PCED1B: variants seen among roughly 807,000 people sequenced by gnomAD.
PCED1B encodes the protein PC-esterase domain containing 1B, also known as PC-esterase domain-containing protein 1B.
For missense variants in PCED1B, 573 were observed against 573.9 expected (o/e 1.00, Z 0.02); for synonymous variants, 251 against 246.1 (o/e 1.02, Z -0.19).
intron 2 of PCED1B, among the ~76,000 whole-genome samples, chr12:47,205,612 C>T (rs1942887882): frequency 6.6e-6 from 1 of 152,066 alleles, no homozygotes; most frequent in Non-Finnish European, 1.5e-5. Flanking sequence ...AAGGTGGAGT[C>T]AGTTAGGTCA....
chr12:47,226,959 C>A (rs182113123), intron 3 of PCED1B, among the ~76,000 whole-genome samples: 124 of 152,012 alleles, frequency 8.2e-4, no homozygotes, highest in African/African-American at 2.2e-3. Flanking sequence ...TTATTCTTTT[C>A]TATTCACTCC....
chr12:47,204,924 T>C (rs561455750), intron 2 of PCED1B, among the ~76,000 whole-genome samples: 1 of 152,350 alleles, frequency 6.6e-6, no homozygotes, highest in Admixed American at 6.5e-5. Context: ...GTAAATACTG[T>C]AACCATAAAC....
At chr12:47,119,791 C>T (rs1019677789) in intron 2 of PCED1B, among the ~76,000 whole-genome samples, 2 of 151,726 alleles carry the variant, frequency 1.3e-5, no homozygotes, top group Admixed American at 1.3e-4. Context: ...ATGGGAAAAC[C>T]CCATCTCCAC....
chr12:47,226,682 C>G (rs1159542502), intron 3 of PCED1B, among the ~76,000 whole-genome samples: 1 of 152,082 alleles, frequency 6.6e-6, no homozygotes, highest in East Asian at 1.9e-4. Context: ...GCCAAAATTG[C>G]CTTTTCATAC....
intron 2 of PCED1B, among the ~76,000 whole-genome samples, chr12:47,152,424 C>T (rs1488289530): frequency 3.3e-5 from 5 of 152,038 alleles, no homozygotes; most frequent in Non-Finnish European, 7.4e-5. Context: ...GAGAAAACAT[C>T]AAACAAACCC....
intron 2 of PCED1B, among the ~76,000 whole-genome samples, chr12:47,201,241 G>T (rs1487521516): frequency 8.5e-5 from 13 of 152,182 alleles, no homozygotes; most frequent in Non-Finnish European, 2.9e-5. Flanking sequence ...CCAGGTGCAG[G>T]GGCTTTCAGT....
intron 2 of PCED1B, among the ~76,000 whole-genome samples, chr12:47,176,074 A>C (rs1380847320): frequency 6.6e-6 from 1 of 151,834 alleles, no homozygotes; most frequent in Non-Finnish European, 1.5e-5. Flanking sequence ...TTTAAATAAT[A>C]TTATTGCTCA....
At chr12:47,109,206 T>C (rs2137253277) in intron 2 of PCED1B, among the ~76,000 whole-genome samples, 1 of 152,352 alleles carries the variant, frequency 6.6e-6, no homozygotes, top group South Asian at 2.1e-4. Context: ...ATTTAGGATG[T>C]AGAAGTCCCT....
chr12:47,185,065 T>C (rs994408358), intron 2 of PCED1B, among the ~76,000 whole-genome samples: 5 of 152,204 alleles, frequency 3.3e-5, no homozygotes, highest in African/African-American at 1.2e-4. Context: ...TCCTCATGTT[T>C]GTAGCCTCAT....
chr12:47,147,232 G>A (rs1453938267), intron 2 of PCED1B, among the ~76,000 whole-genome samples: 1 of 152,012 alleles, frequency 6.6e-6, no homozygotes, highest in African/African-American at 2.4e-5. Context: ...GGCCAGGCTG[G>A]TCTCAAACTT....
intron 2 of PCED1B, among the ~76,000 whole-genome samples, chr12:47,145,710 A>G (rs951665385): frequency 3.9e-5 from 6 of 152,180 alleles, no homozygotes; most frequent in African/African-American, 7.2e-5. Flanking sequence ...TTTACTGAAT[A>G]TTTTCAAGTC....
chr12:47,090,728 C>T (rs1938226857), intron 1 of PCED1B, among the ~76,000 whole-genome samples: 1 of 152,090 alleles, frequency 6.6e-6, no homozygotes, highest in Non-Finnish European at 1.5e-5. Context: ...TTCTACTGCT[C>T]ATCTTTATGT....
chr12:47,126,335 A>G (rs1939886857), intron 2 of PCED1B, among the ~76,000 whole-genome samples: 1 of 152,074 alleles, frequency 6.6e-6, no homozygotes, highest in Non-Finnish European at 1.5e-5. Flanking sequence ...TGTTAAAACT[A>G]CCTTGTATTC....
At chr12:47,186,085 G>T (rs1942252250) in intron 2 of PCED1B, among the ~76,000 whole-genome samples, 1 of 152,040 alleles carries the variant, frequency 6.6e-6, no homozygotes, top group Non-Finnish European at 1.5e-5. Flanking sequence ...AGATGTGGTG[G>T]CACGCCCCTG....
chr12:47,171,136 C>T (rs542906815), intron 2 of PCED1B, among the ~76,000 whole-genome samples: 13 of 146,832 alleles, frequency 8.9e-5, no homozygotes, highest in African/African-American at 3.0e-4. Flanking sequence ...GGCACCATCT[C>T]GACTCACTGC....
At chr12:47,141,276 T>C (rs1940581777) in intron 2 of PCED1B, among the ~76,000 whole-genome samples, 1 of 152,190 alleles carries the variant, frequency 6.6e-6, no homozygotes, top group Non-Finnish European at 1.5e-5. Flanking sequence ...AGTGCCTTTG[T>C]GGGAGCTGTG....
chr12:47,094,286 G>A (rs1938384477), intron 1 of PCED1B, among the ~76,000 whole-genome samples: 1 of 152,042 alleles, frequency 6.6e-6, no homozygotes, highest in South Asian at 2.1e-4. Flanking sequence ...TGTTTGCATG[G>A]TATATTTGGC....
intron 2 of PCED1B, among the ~76,000 whole-genome samples, chr12:47,134,002 T>C (rs1409726058): frequency 6.6e-6 from 1 of 152,210 alleles, no homozygotes; most frequent in Non-Finnish European, 1.5e-5. Context: ...TGCTGGCGTC[T>C]GATTTTGGGC....
chr12:47,211,420 G>A (rs1219575516), intron 2 of PCED1B, among the ~76,000 whole-genome samples: 12 of 151,788 alleles, frequency 7.9e-5, no homozygotes, highest in Admixed American at 7.2e-4. Flanking sequence ...GGGAGGCTGA[G>A]GCATGTGGAT....
Sources: gnomAD v4.1 joint callset for allele counts (sites outside exome capture counted in the v4.1 genomes callset) on GRCh38, gnomAD v4.1.1 for gene constraint, MANE v1.5 for transcripts, NCBI Gene and HGNC (gene_info 2026-07-23, HGNC 2026-07-21) for gene names.